Variants in ABCC1 observed in about 807,000 individuals in gnomAD.
ABCC1 encodes the protein multidrug resistance-associated protein 1.
A neutral mutation model predicts 172.9 loss-of-function variants in ABCC1; 83 were observed. That is an observed-to-expected ratio of 0.48 (90% confidence interval 0.40 to 0.58). The LOEUF is 0.58. Among genes scored for constraint, ABCC1 ranks in the 20% least tolerant of loss-of-function variants. The pLI is 0.00. For synonymous variants in ABCC1, 937 were observed against 825.2 expected (o/e 1.14, Z -2.32); for missense variants, 1,817 against 2,002.7 (o/e 0.91, Z 1.77).
chr16:15,991,109 A>C (rs1162618914), intron 1 of ABCC1, among the ~76,000 whole-genome samples: 1 of 152,034 alleles, frequency 6.6e-6, no homozygotes, highest in Non-Finnish European at 1.5e-5. Context: ...GAGTGCAGAT[A>C]TCTCTTCAGG....
chr16:16,077,699 G>A (rs750882320), intron 15 of ABCC1, among the ~76,000 whole-genome samples: 17 of 152,176 alleles, frequency 1.1e-4, no homozygotes, highest in Non-Finnish European at 2.5e-4. Context: ...AACAATCAGT[G>A]ACAGCAACGA....
chr16:15,995,285 A>G (rs959201949), intron 1 of ABCC1, among the ~76,000 whole-genome samples: 1 of 152,140 alleles, frequency 6.6e-6, no homozygotes, highest in African/African-American at 2.4e-5. Flanking sequence ...AAACACTTAG[A>G]GTGGTGCTTG....
intron 20 of ABCC1, 114 bp downstream of exon 20, chr16:16,102,831 T>C: frequency 2.1e-6 from 2 of 959,678 alleles, no homozygotes; most frequent in Non-Finnish European, 1.6e-6. Flanking sequence ...CCTGGGCTTT[T>C]ACCTTCCCTC....
chr16:15,991,264 G>C (rs1263721404), intron 1 of ABCC1, among the ~76,000 whole-genome samples: 1 of 151,948 alleles, frequency 6.6e-6, no homozygotes, highest in Non-Finnish European at 1.5e-5. Context: ...TAAATCGCAG[G>C]GAAGCTTTGT....
In ABCC1 at chr16:16,111,509, C is replaced by A; in HGVS notation, c.3006C>A (p.Asp1002Glu). 6.2e-7 allele frequency: 1 copy of A among 1,614,168 alleles called. No homozygotes were observed. Among genetic ancestry groups the A allele is most frequent in the African/African-American group, 1.3e-5 (1 of 75,026 alleles). ...SNYWLSLWTD[D>E]PIVNGTQEHT... ...ATTGGCTCAGCCTCTGGACTGATGACCCCATCGTCAACGGGACTCAGGAGC... is the reference window on the plus strand; with the variant it reads ...ATTGGCTCAGCCTCTGGACTGATGAACCCATCGTCAACGGGACTCAGGAGC... Residue 1002 changes from aspartate to glutamate, a missense_variant, in exon 22 of 31, where the codon GAC becomes GAA. Asp to Glu is a conservative substitution (Grantham distance 45). This residue lies in a region of ABCC1 where 1,412 missense variants were observed against 1,600.3 expected (regional missense o/e 0.88). Coordinates refer to ENST00000399410, the MANE Select transcript of ABCC1 (RefSeq NM_004996.4).
At chr16:16,001,990 T>G (rs12926867) in intron 1 of ABCC1, among the ~76,000 whole-genome samples, 70,666 of 151,546 alleles carry the variant, frequency 0.47, 18,719 homozygotes, top group Non-Finnish European at 0.61. Context: ...AATGCTGGAG[T>G]TACAGATGGG....
intron 4 of ABCC1, among the ~76,000 whole-genome samples, chr16:16,016,042 C>T (rs1007442970): frequency 6.6e-6 from 1 of 151,878 alleles, no homozygotes; most frequent in Non-Finnish European, 1.5e-5. Flanking sequence ...GTGATGGAGC[C>T]GGCTTTCTGC....
chr16:15,967,973 G>C (rs1327131565), intron 1 of ABCC1, among the ~76,000 whole-genome samples: 1 of 152,124 alleles, frequency 6.6e-6, no homozygotes, highest in Non-Finnish European at 1.5e-5. Flanking sequence ...AAGGGGTACA[G>C]TATAGAATGA....
At chr16:15,984,480 G>T (rs913862707) in intron 1 of ABCC1, among the ~76,000 whole-genome samples, 6 of 145,236 alleles carry the variant, frequency 4.1e-5, no homozygotes, top group Non-Finnish European at 7.5e-5. Flanking sequence ...GTCTCGCCCT[G>T]TCAACAGGCT....
At chr16:16,054,938 A>G (rs2049586849) in intron 11 of ABCC1, among the ~76,000 whole-genome samples, 11 of 152,204 alleles carry the variant, frequency 7.2e-5, no homozygotes, top group Admixed American at 7.2e-4. Flanking sequence ...TCACTATTTT[A>G]ACAACCATGG....
chr16:15,996,630 C>T (rs1289934356), intron 1 of ABCC1, among the ~76,000 whole-genome samples: 5 of 152,160 alleles, frequency 3.3e-5, no homozygotes, highest in East Asian at 1.9e-4. Context: ...GGGCTGCATG[C>T]GTTATCCCTG....
chr16:15,992,439 G>T (rs1476472321), intron 1 of ABCC1, among the ~76,000 whole-genome samples: 2 of 152,032 alleles, frequency 1.3e-5, no homozygotes, highest in African/African-American at 2.4e-5. Flanking sequence ...TTGCTCTGTT[G>T]CCCAGGCTGG....
chr16:16,132,510 GTTTTTTTTTTT>G (rs71137915), intron 27 of ABCC1, among the ~76,000 whole-genome samples: 30 of 37,300 alleles, frequency 8.0e-4, no homozygotes, highest in Admixed American at 3.2e-3. Context: ...TTGGTTGGTT[GTTTTTTTTTTT>G]TTTTTTTTTT....
rs143311365 is a variant in ABCC1, at chr16:16,061,096, T to C, written c.1677+4801T>C. Among the ~76,000 whole-genome samples, 1,382 of 151,528 alleles carry C rather than the reference T, an allele frequency of 9.1e-3. 19 individuals carry two copies. The highest frequency in any genetic ancestry group is 0.032 in the African/African-American group (1,317 of 41,352). On this transcript the variant is annotated intron_variant, in intron 12 of 30. Transcript: ENST00000399410. ...ACGCCACCATGCCAAGCCAATTTTT[T>C]GTATTTTTAGTAGAGATGGGGTTTA...
intron 26 of ABCC1, among the ~76,000 whole-genome samples, chr16:16,128,691 T>A (rs1347294514): frequency 6.6e-6 from 1 of 152,176 alleles, no homozygotes; most frequent in Non-Finnish European, 1.5e-5. Context: ...ACACTTGTTG[T>A]TTTAAAAAAG....
intron 1 of ABCC1, among the ~76,000 whole-genome samples, chr16:15,962,132 C>T (rs572433839): frequency 6.6e-6 from 1 of 152,242 alleles, no homozygotes; most frequent in East Asian, 1.9e-4. Context: ...GTGATCAGGC[C>T]CATGTTGCTT....
At chr16:16,067,332 A>C (rs937361798) in intron 12 of ABCC1, among the ~76,000 whole-genome samples, 2 of 152,202 alleles carry the variant, frequency 1.3e-5, no homozygotes, top group Non-Finnish European at 2.9e-5. Flanking sequence ...TCAGAGCCAG[A>C]ACACGAACCA....
intron 10 of ABCC1, among the ~76,000 whole-genome samples, chr16:16,049,835 C>G (rs189536385): frequency 6.6e-6 from 1 of 152,018 alleles, no homozygotes; most frequent in South Asian, 2.1e-4. Flanking sequence ...AGGCTTACAC[C>G]ACCACGCCCA....
chr16:15,995,874 T>C (rs2047037706), intron 1 of ABCC1, among the ~76,000 whole-genome samples: 1 of 151,180 alleles, frequency 6.6e-6, no homozygotes, highest in Non-Finnish European at 1.5e-5. Flanking sequence ...GGAGTCTCAC[T>C]CCATTGCCAC....
Sources: gnomAD v4.1 joint callset for allele counts (sites outside exome capture counted in the v4.1 genomes callset) on GRCh38, gnomAD v4.1.1 for gene constraint, gnomAD v4.1.1 regional missense constraint, MANE v1.5 for transcripts, NCBI Gene and HGNC (gene_info 2026-07-23, HGNC 2026-07-21) for gene names.